STK32B: variants seen among roughly 807,000 people sequenced by gnomAD.
STK32B encodes the protein serine/threonine kinase 32B.
A neutral mutation model predicts 52.6 loss-of-function variants in STK32B; 43 were observed. The ratio of observed to expected loss-of-function variants is 0.82; its 90% confidence interval spans 0.64 to 1.05. The LOEUF is 1.05. Among genes scored for constraint, STK32B ranks in the 50% least tolerant of loss-of-function variants. The pLI is 0.00. For missense variants in STK32B, 621 were observed against 534.6 expected, an observed-to-expected ratio of 1.16 and a Z score of -1.59; for synonymous variants, 238 against 204.3, an observed-to-expected ratio of 1.17 and a Z score of -1.41.
intron 1 of STK32B, among the ~76,000 whole-genome samples, chr4:5,097,998 G>A (rs1483259809): frequency 6.6e-6 from 1 of 152,190 alleles, no homozygotes; most frequent in African/African-American, 2.4e-5. Flanking sequence ...AGCCTTGGCC[G>A]GGATGGATCA....
At chr4:5,392,547 T>C (rs1736651398) in intron 4 of STK32B, among the ~76,000 whole-genome samples, 1 of 152,226 alleles carries the variant, frequency 6.6e-6, no homozygotes, top group Non-Finnish European at 1.5e-5. Context: ...TTTATTTTTT[T>C]TCATTTCCCC....
chr4:5,301,745 G>GTTTT (rs139364155), intron 3 of STK32B, among the ~76,000 whole-genome samples: 7 of 121,150 alleles, frequency 5.8e-5, no homozygotes, highest in African/African-American at 2.5e-4. Flanking sequence ...AGTTCCATTA[G>GTTTT]CTTTTTTTTT....
At chr4:5,297,621 G>T (rs1428987785) in intron 3 of STK32B, among the ~76,000 whole-genome samples, 1 of 142,204 alleles carries the variant, frequency 7.0e-6, no homozygotes, top group African/African-American at 2.7e-5. Flanking sequence ...TTTCAGCTCT[G>T]TCTGGTCATT....
chr4:5,361,842 G>A (rs988663411), intron 4 of STK32B, among the ~76,000 whole-genome samples: 3 of 152,198 alleles, frequency 2.0e-5, no homozygotes, highest in African/African-American at 4.8e-5. Flanking sequence ...AAAGATTTAG[G>A]TCGGGGTAGA....
chr4:5,025,110 AG>A, the STK32B span, among the ~76,000 whole-genome samples: 1 of 148,296 alleles, frequency 6.7e-6, no homozygotes, highest in African/African-American at 2.6e-5. Context: ...CGAGTATGGG[AG>A]GGGGGAATCC....
Position 5,399,402 on chromosome 4 carries a change from CAT to C in STK32B, c.472+1160_472+1161del, listed in dbSNP as rs1737145152. On this transcript the variant is annotated intron_variant, in intron 5 of 11. Coordinates refer to ENST00000282908, the MANE Select transcript of STK32B (RefSeq NM_018401.3). This position sits in a 1 kb window ranked among gnomAD's most constrained non-coding sequence, Gnocchi z 5.4. ...AGCATAGCTTGGGGCATCCTAACCT[CAT>C]AGTGTGCATCCCTATGTACAGGAGT... is the stretch of plus-strand genomic sequence containing the variant. Among the ~76,000 whole-genome samples the C allele has an allele frequency of 6.6e-6, 1 of 152,162 alleles. No homozygotes were observed. The highest frequency in any genetic ancestry group is 2.4e-5 in the African/African-American group (1 of 41,434).
chr4:5,427,307 A>G (rs1440341129), intron 6 of STK32B, among the ~76,000 whole-genome samples: 1 of 152,140 alleles, frequency 6.6e-6, no homozygotes, highest in Non-Finnish European at 1.5e-5. Flanking sequence ...TATCTTGTTC[A>G]TAATATTTAC....
At chr4:5,324,577 C>G (rs1216680798) in intron 3 of STK32B, among the ~76,000 whole-genome samples, 1 of 152,252 alleles carries the variant, frequency 6.6e-6, no homozygotes, top group South Asian at 2.1e-4. Flanking sequence ...GGAGGCCGTC[C>G]TGTGCATTGT....
the STK32B span, among the ~76,000 whole-genome samples, chr4:5,029,855 TCTC>T: frequency 1.3e-5 from 2 of 152,156 alleles, no homozygotes; most frequent in African/African-American, 4.8e-5. Context: ...ATCCCCATAA[TCTC>T]CACGTGTCAA....
intron 6 of STK32B, chr4:5,438,213 C>A: frequency 1.2e-6 from 1 of 843,062 alleles, no homozygotes; most frequent in Non-Finnish European, 1.4e-6. Flanking sequence ...AGAAGAGGAA[C>A]AGGCACACAC....
chr4:5,301,747 T>C (rs1729571672), intron 3 of STK32B, among the ~76,000 whole-genome samples: 1 of 98,596 alleles, frequency 1.0e-5, no homozygotes, highest in South Asian at 3.0e-4. Context: ...TTCCATTAGC[T>C]TTTTTTTTTT....
chr4:5,172,256 A>G (rs1367215674), intron 3 of STK32B, among the ~76,000 whole-genome samples: 4 of 152,176 alleles, frequency 2.6e-5, no homozygotes, highest in African/African-American at 4.8e-5. Flanking sequence ...GTCTGCAAAC[A>G]GGGACAATTT....
chr4:5,316,920 AAT>A lies in STK32B; in HGVS notation c.261-14292_261-14291del, dbSNP rs1227030752. Among the ~76,000 whole-genome samples, 27 of 17,620 alleles carry A rather than the reference AAT, an allele frequency of 1.5e-3. 2 individuals carry two copies. The highest frequency in any genetic ancestry group is 3.8e-3 in the South Asian group (2 of 532). The allele number at this position is 17,620 out of a possible 152,430, so 11.6% of individuals were successfully genotyped here. A position where few individuals can be genotyped will look rare whatever the true frequency, so the allele number is the denominator to read the frequency against. ...ATATAATATATAATATATATGATAT[AAT>A]ATATATAATATATATAATATATAAT... On this transcript the variant is annotated intron_variant, in intron 3 of 11. Transcript: ENST00000282908.
At chr4:5,421,334 C>T (rs1393295405) in intron 6 of STK32B, among the ~76,000 whole-genome samples, 2 of 152,020 alleles carry the variant, frequency 1.3e-5, no homozygotes, top group Non-Finnish European at 2.9e-5. Context: ...TCGTGATCCA[C>T]CAGCCTCGGC....
intron 4 of STK32B, among the ~76,000 whole-genome samples, chr4:5,376,815 C>A (rs969925944): frequency 2.6e-5 from 4 of 152,178 alleles, no homozygotes; most frequent in Non-Finnish European, 4.4e-5. Flanking sequence ...AAAAGCCTAG[C>A]CTCCTGGGCC....
chr4:5,444,339 ATTTG>A (rs1715154330), intron 6 of STK32B, among the ~76,000 whole-genome samples: 1 of 152,184 alleles, frequency 6.6e-6, no homozygotes. Context: ...AAAGCGCAGT[ATTTG>A]GGTGGGAGTG....
At chr4:5,305,575 T>C (rs1207311459) in intron 3 of STK32B, among the ~76,000 whole-genome samples, 1 of 152,136 alleles carries the variant, frequency 6.6e-6, no homozygotes, top group Non-Finnish European at 1.5e-5. Context: ...TAATTGAGCT[T>C]ATTTGGATCT....
intron 3 of STK32B, among the ~76,000 whole-genome samples, chr4:5,177,396 TC>T (rs1256995138): frequency 6.6e-6 from 1 of 152,038 alleles, no homozygotes; most frequent in African/African-American, 2.4e-5. Flanking sequence ...TCCCACTAGG[TC>T]CCTCCCATGA....
At chr4:5,144,748 G>A (rs1326065458) in intron 2 of STK32B, among the ~76,000 whole-genome samples, 1 of 151,840 alleles carries the variant, frequency 6.6e-6, no homozygotes, top group Non-Finnish European at 1.5e-5. Flanking sequence ...TATAAAATCA[G>A]GCAGCTTAGG....
Sources: gnomAD v4.1 joint callset for allele counts (sites outside exome capture counted in the v4.1 genomes callset) on GRCh38, gnomAD v4.1.1 for gene constraint, Gnocchi (gnomAD v3.1) non-coding constraint, MANE v1.5 for transcripts, NCBI Gene and HGNC (gene_info 2026-07-23, HGNC 2026-07-21) for gene names.